Variants in TTC7A observed in about 807,000 individuals in gnomAD.
TTC7A encodes the protein tetratricopeptide repeat protein 7A.
TTC7A carries 110 observed loss-of-function variants against 103.7 expected under a neutral mutation model. The observed-to-expected ratio is 1.06, with a 90% CI of 0.91 to 1.24. The LOEUF (loss-of-function observed/expected upper bound fraction) is 1.24. TTC7A is among the 50% of genes most tolerant of loss of function. The pLI is 0.00. For missense variants in TTC7A, 1,340 were observed against 1,116.3 expected (o/e 1.20, Z -2.86); for synonymous variants, 521 against 467.9 (o/e 1.11, Z -1.47).
Position 46,974,272 on chromosome 2 carries a change from G to A in TTC7A, c.518-701G>A, listed in dbSNP as rs1243135619. Among the ~76,000 whole-genome samples, 8 of 152,368 alleles carry A rather than the reference G, an allele frequency of 5.3e-5. No individual in the cohort carries two copies. In the East Asian group the frequency reaches 1.2e-3, roughly 22 times the overall value. On this transcript the variant is annotated intron_variant, in intron 3 of 19. Coordinates refer to ENST00000319190, the MANE Select transcript of TTC7A (RefSeq NM_020458.4). ...AGCAGGGGCTTTTAAAGGGGTACTT[G>A]GCATGAATGCCATGCAGAGGAGGGA... is the stretch of plus-strand genomic sequence containing the variant.
At chr2:47,069,301 C>A (rs1228086808) in intron 19 of TTC7A, among the ~76,000 whole-genome samples, 1 of 152,154 alleles carries the variant, frequency 6.6e-6, no homozygotes. Context: ...GGCCGCTGGT[C>A]CCTGCCCCTC....
intron 2 of TTC7A, chr2:46,951,489 A>G (rs190228045): frequency 1.3e-4 from 57 of 435,624 alleles, no homozygotes; most frequent in African/African-American, 1.0e-3. Flanking sequence ...GGGAGGGGGT[A>G]AAAAAAAACT....
intron 14 of TTC7A, among the ~76,000 whole-genome samples, chr2:47,028,986 C>A (rs989177765): frequency 1.3e-5 from 2 of 152,194 alleles, no homozygotes; most frequent in African/African-American, 2.4e-5. Flanking sequence ...TTCCTGGTGG[C>A]TGCCATGGTC....
At chr2:46,992,243 T>G (rs750311134) in intron 5 of TTC7A, among the ~76,000 whole-genome samples, 18 of 152,186 alleles carry the variant, frequency 1.2e-4, no homozygotes, top group South Asian at 2.1e-4. Context: ...GGGTGGAGCT[T>G]TAGAAACACG....
At position 47,069,465 on chromosome 2, in the gene TTC7A, C is replaced by G. The variant is rs1684477275; in HGVS notation, c.2356-4237C>G. Among the ~76,000 whole-genome samples, 9 of 152,182 alleles carry G rather than the reference C, an allele frequency of 5.9e-5. 1 individual carries two copies. The South Asian group carries it at 1.9e-3, about 32-fold the overall frequency. The stretch of plus-strand genomic sequence containing the variant: ...GCTCCTTGTGAGTCTGGGCTCTTCT[C>G]AGCAGGAGCCTCTTCTTTTGAGGCC... On this transcript the variant is annotated intron_variant, in intron 19 of 19. Coordinates refer to ENST00000319190, the MANE Select transcript of TTC7A (RefSeq NM_020458.4).
chr2:47,011,821 C>T (rs561396985), intron 11 of TTC7A, among the ~76,000 whole-genome samples: 7 of 152,348 alleles, frequency 4.6e-5, no homozygotes, highest in Non-Finnish European at 8.8e-5. Context: ...CTGCAAGGCG[C>T]GATTCTGGGG....
At position 46,975,039 on chromosome 2, in the gene TTC7A, A is replaced by ATCACCTGTTTTG. The variant is rs1240864848; in HGVS notation, c.584_585insTCACCTGTTTTG (p.Glu195delinsAspHisLeuPheTer). ...TTCCGCCTGACAGAGAGGGAGGAGG[A>ATCACCTGTTTTG]AGTGATCACCTGTTTTGAGAGGGCC... is the stretch of plus-strand genomic sequence containing the variant. On this transcript the variant is annotated stop_gained and protein_altering_variant, in exon 4 of 20. Transcript: ENST00000319190. LOFTEE classifies it high-confidence loss of function. 6.2e-7 allele frequency: 1 copy of ATCACCTGTTTTG among 1,614,008 alleles called. No individual in the cohort carries two copies. Among genetic ancestry groups the ATCACCTGTTTTG allele is most frequent in the Non-Finnish European group, 8.5e-7 (1 of 1,179,946 alleles).
At chr2:46,936,323 G>A (rs1669977935), upstream of TTC7A, among the ~76,000 whole-genome samples, 1 of 152,132 alleles carries the variant, frequency 6.6e-6, no homozygotes, top group Admixed American at 6.5e-5. Context: ...GAAGAAGATA[G>A]GTGTAGGTCT....
At position 46,941,796 on chromosome 2, in the gene TTC7A, C is replaced by G; in HGVS notation, c.184+71C>G. On this transcript the variant is annotated intron_variant, in intron 1 of 19. Coordinates refer to ENST00000319190, the MANE Select transcript of TTC7A (RefSeq NM_020458.4). The surrounding 1 kb of genome is among the most constrained non-coding windows in gnomAD (Gnocchi z 4.2). ...CGCACCGCCTCCTCCAGGAAGCGCG[C>G]CCAGACAGTCCTCGGCCGACAGCGG... 1 of 1,530,152 alleles carries G rather than the reference C, an allele frequency of 6.5e-7. No individual in the cohort carries two copies. The highest frequency in any genetic ancestry group is 8.8e-7 in the Non-Finnish European group (1 of 1,132,676). 94.8% of individuals were successfully genotyped at this position (1,530,152 alleles called of 1,614,324 possible).
rs555132345 is a variant in TTC7A, at chr2:47,041,550, C to G, written c.1803-4765C>G. ...GGTGGATCACCTGAGGTCAGGAGTT[C>G]AAGAACAGCCTGACCTACATGCAGA... On this transcript the variant is annotated intron_variant, in intron 15 of 19. Coordinates refer to ENST00000319190, the MANE Select transcript of TTC7A (RefSeq NM_020458.4). Among the ~76,000 whole-genome samples, 9 of 152,200 alleles carry G rather than the reference C, an allele frequency of 5.9e-5. No individual in the cohort carries two copies. In the South Asian group the frequency reaches 1.5e-3, roughly 25 times the overall value.
chr2:47,056,915 C>T (rs537234020), intron 18 of TTC7A, among the ~76,000 whole-genome samples: 4 of 152,172 alleles, frequency 2.6e-5, no homozygotes, highest in African/African-American at 9.7e-5. Context: ...ACCCCTCCCC[C>T]CCATCCAGCC....
chr2:46,997,018 G>A (rs962509107), intron 8 of TTC7A, among the ~76,000 whole-genome samples: 1 of 151,932 alleles, frequency 6.6e-6, no homozygotes, highest in Non-Finnish European at 1.5e-5. Flanking sequence ...TCCCTTTATC[G>A]TTCAGACTGG....
At chr2:46,934,351 C>T (rs1181509415) in intron 2 of TTC7A, among the ~76,000 whole-genome samples, 6 of 152,182 alleles carry the variant, frequency 3.9e-5, no homozygotes, top group African/African-American at 1.2e-4. Context: ...CTCTGCCTTC[C>T]GGGTTCAAGC....
chr2:46,990,535 G>C (rs1675521010), intron 5 of TTC7A, among the ~76,000 whole-genome samples: 1 of 152,196 alleles, frequency 6.6e-6, no homozygotes, highest in South Asian at 2.1e-4. Context: ...TTTAACATAA[G>C]TCAGAACATA....
chr2:47,008,647 C>T (rs1425262730), intron 10 of TTC7A, among the ~76,000 whole-genome samples: 3 of 152,196 alleles, frequency 2.0e-5, no homozygotes, highest in Non-Finnish European at 2.9e-5. Context: ...CCCTTGGGAA[C>T]CCTGCCCACC....
chr2:47,073,990 G>C lies in TTC7A; in HGVS notation c.*67G>C, dbSNP rs545019572. Reference sequence around the variant, plus strand: ...GAGGCAGCAGGGAACGTGGGTCAGGGTGGGGCAACAGTGGCATCAGGTGCG... The same window carrying C: ...GAGGCAGCAGGGAACGTGGGTCAGGCTGGGGCAACAGTGGCATCAGGTGCG... On this transcript the variant is annotated 3_prime_UTR_variant, in exon 20 of 20. Transcript: ENST00000319190. 7.4e-7 allele frequency: 1 copy of C among 1,354,844 alleles called. No homozygotes were observed. The highest frequency in any genetic ancestry group is 1.0e-6 in the Non-Finnish European group (1 of 976,526). 83.9% of individuals were successfully genotyped at this position (1,354,844 alleles called of 1,614,324 possible). A position where few individuals can be genotyped will look rare whatever the true frequency, so the allele number is the denominator to read the frequency against.
chr2:46,976,437 T>A (rs1673882769), intron 4 of TTC7A, among the ~76,000 whole-genome samples: 1 of 152,176 alleles, frequency 6.6e-6, no homozygotes. Context: ...TAGAGCAGCA[T>A]AGATTAGGAT....
chr2:47,049,953 C>T lies in TTC7A; in HGVS notation c.1924C>T (p.Leu642=), dbSNP rs1396109489. The T allele has an allele frequency of 1.2e-6, 2 of 1,614,042 alleles. No individual in the cohort carries two copies. Among genetic ancestry groups the T allele is most frequent in the East Asian group, 4.5e-5 (2 of 44,866 alleles). ...TLYSFSQLGG[L]EKDGSFGEGL... ...TGGCCCTCTTTTGCCTTCCAGAGGC[C>T]TAGAAAAGGATGGCAGCTTCGGTGA... The change falls in exon 17 of 20, where the codon CTA becomes TTA. Residue 642 remains leucine, a synonymous_variant. Transcript: ENST00000319190.
intron 3 of TTC7A, among the ~76,000 whole-genome samples, chr2:46,972,129 C>T (rs1319843484): frequency 6.6e-6 from 1 of 151,820 alleles, no homozygotes; most frequent in Non-Finnish European, 1.5e-5. Context: ...TCTGTCATGT[C>T]ATGTCTTTTC....
Sources: gnomAD v4.1 joint callset for allele counts (sites outside exome capture counted in the v4.1 genomes callset) on GRCh38, gnomAD v4.1.1 for gene constraint, Gnocchi (gnomAD v3.1) non-coding constraint, MANE v1.5 for transcripts, NCBI Gene and HGNC (gene_info 2026-07-23, HGNC 2026-07-21) for gene names.